Variants in PRKAB2 observed in about 807,000 individuals in gnomAD.
PRKAB2 encodes protein kinase AMP-activated non-catalytic subunit beta 2.
In PRKAB2, 18 loss-of-function variants were observed where a neutral mutation model predicts 29.8. That is an observed-to-expected ratio of 0.60 (90% CI 0.42 to 0.89). PRKAB2 has a LOEUF of 0.89. PRKAB2 is among the 40% of genes least tolerant of loss of function. PRKAB2 has a pLI of 0.00. For missense variants in PRKAB2, 270 were observed against 344.3 expected (o/e 0.78, Z 1.71); for synonymous variants, 136 against 125.9 (o/e 1.08, Z -0.54).
chr1:147,160,656 T>C (rs1168895020), intron 7 of PRKAB2: 2 of 152,126 alleles, frequency 1.3e-5, no homozygotes, highest in African/African-American at 2.4e-5. Flanking sequence ...AATTCACTTT[T>C]ACACTTCCAC....
In PRKAB2 at chr1:147,161,793, G is replaced by GAAAAAAATTACT; in HGVS notation, c.673-25_673-14dup. 6.3e-7 allele frequency: 1 copy of GAAAAAAATTACT among 1,585,834 alleles called. No homozygotes were observed. The highest frequency in any genetic ancestry group is 8.6e-7 in the Non-Finnish European group (1 of 1,165,402). On this transcript the variant is annotated splice_polypyrimidine_tract_variant and intron_variant, in intron 6 of 7. Transcript: ENST00000254101. ...AGGCTGGGTCACACTAAGAGAAAGA[G>GAAAAAAATTACT]AAAAAAATTACTAAAAAAATTACTA...
intron 5 of PRKAB2, among the ~76,000 whole-genome samples, chr1:147,165,179 C>T (rs1242097407): frequency 6.6e-6 from 1 of 152,132 alleles, no homozygotes; most frequent in Non-Finnish European, 1.5e-5. Context: ...GCGCCTGCCA[C>T]CACACCCAGC....
intron 5 of PRKAB2, among the ~76,000 whole-genome samples, chr1:147,164,380 T>C (rs1654128807): frequency 6.6e-6 from 1 of 152,248 alleles, no homozygotes; most frequent in Admixed American, 6.5e-5. Context: ...AATATGCTAA[T>C]TGCCCTGACT....
intron 5 of PRKAB2, among the ~76,000 whole-genome samples, chr1:147,163,934 A>G (rs1553913387): frequency 6.6e-6 from 1 of 152,040 alleles, no homozygotes; most frequent in East Asian, 1.9e-4. Flanking sequence ...TTTTATTTAA[A>G]TGTTATTGTT....
At chr1:147,161,219 T>C (rs373295007) in intron 7 of PRKAB2, among the ~76,000 whole-genome samples, 1 of 152,284 alleles carries the variant, frequency 6.6e-6, no homozygotes, top group East Asian at 1.9e-4. Flanking sequence ...AGGAGGACTC[T>C]AGAGTTGACG....
At chr1:147,165,032 T>C (rs908642067) in intron 5 of PRKAB2, among the ~76,000 whole-genome samples, 1 of 152,200 alleles carries the variant, frequency 6.6e-6, no homozygotes. Context: ...CCTCAACAGA[T>C]GATTACACTA....
At chr1:147,168,291 T>C (rs1553913925) in intron 2 of PRKAB2, among the ~76,000 whole-genome samples, 1 of 151,984 alleles carries the variant, frequency 6.6e-6, no homozygotes, top group Non-Finnish European at 1.5e-5. Context: ...GAGTCTTTCT[T>C]CAGAGGAAAA....
intron 3 of PRKAB2, 95 bp downstream of exon 3, chr1:147,167,672 A>G: frequency 7.1e-7 from 1 of 1,410,886 alleles, no homozygotes; most frequent in Non-Finnish European, 9.6e-7. Context: ...GACAGTCCTT[A>G]GTAGGTGGAG....
Position 147,159,602 on chromosome 1 carries a change from T to C in PRKAB2, c.782A>G (p.Lys261Arg), listed in dbSNP as rs1439387336. The change falls in exon 8 of 8, where the codon AAG becomes AGG. Residue 261 changes from lysine to arginine, a missense_variant. Physicochemically the swap from Lys to Arg is conservative, Grantham distance 26 (BLOSUM62 2). Around this residue, in one of 2 missense-constraint regions of PRKAB2, gnomAD observed 42 missense variants for 88.8 expected, o/e 0.47. Transcript: ENST00000254101. ...MVLSATHRYK[K>R]KYVTTLLYKP... ...GTATAGCAGAGTAGTAACATACTTC[T>C]TCTTGTAGCGATGGGTTGCGCTAAG... 5.5e-5 allele frequency: 88 copies of C among 1,613,490 alleles called. No individual in the cohort carries two copies. Among genetic ancestry groups the C allele is most frequent in the Non-Finnish European group, 7.3e-5 (86 of 1,179,724 alleles).
chr1:147,171,656 G>A (rs1488320236), intron 2 of PRKAB2, among the ~76,000 whole-genome samples: 3 of 152,094 alleles, frequency 2.0e-5, no homozygotes, highest in Admixed American at 6.5e-5. Context: ...TGTCCACCAG[G>A]GATTACAAAC....
chr1:147,159,485 A>G lies in PRKAB2; in HGVS notation c.*80T>C. The G allele has an allele frequency of 7.8e-7, 1 of 1,282,970 alleles. No homozygotes were observed. Among genetic ancestry groups the G allele is most frequent in the South Asian group, 1.3e-5 (1 of 78,562 alleles). 79.5% of individuals were successfully genotyped at this position (1,282,970 alleles called of 1,614,324 possible). On this transcript the variant is annotated 3_prime_UTR_variant, in exon 8 of 8. Transcript: ENST00000254101. ...CAGCCTCAAAGCAAATCAGCCTTCC[A>G]GTCTCAGGTAAGACTGGTTCAGTCC...
chr1:147,159,308 A>ACTTC lies in PRKAB2; in HGVS notation c.*253_*256dup. On this transcript the variant is annotated 3_prime_UTR_variant, in exon 8 of 8. Coordinates refer to ENST00000254101, the MANE Select transcript of PRKAB2 (RefSeq NM_005399.5). Reference sequence around the variant, plus strand: ...GTGAAAACCCACAGGCAGAAACAATACTTCTAGCTGGGGCTAGGAGGCTTC... The same window carrying ACTTC: ...GTGAAAACCCACAGGCAGAAACAATACTTCCTTCTAGCTGGGGCTAGGAGGCTTC... The ACTTC allele has an allele frequency of 7.1e-6, 3 of 419,730 alleles. No individual in the cohort carries two copies. The East Asian group carries it at 1.1e-4, about 15-fold the overall frequency. 26.0% of individuals were successfully genotyped at this position (419,730 alleles called of 1,614,324 possible).
chr1:147,163,945 T>C (rs1654105224), intron 5 of PRKAB2, among the ~76,000 whole-genome samples: 1 of 152,172 alleles, frequency 6.6e-6, no homozygotes, highest in African/African-American at 2.4e-5. Context: ...TGTTATTGTT[T>C]CTTTTTTGAG....
intron 2 of PRKAB2, 69 bp from the exon 3 acceptor site, chr1:147,168,002 C>T (rs1375289702): frequency 1.3e-6 from 2 of 1,501,612 alleles, no homozygotes; most frequent in African/African-American, 2.8e-5. Flanking sequence ...TCACTCTCCT[C>T]CCTAGGATAG....
chr1:147,164,333 T>C (rs1384473396), intron 5 of PRKAB2, among the ~76,000 whole-genome samples: 1 of 152,204 alleles, frequency 6.6e-6, no homozygotes, highest in Admixed American at 6.5e-5. Flanking sequence ...GGATTTTGAA[T>C]GTTATCACCA....
At chr1:147,167,980 AT>A (rs782190866) in intron 2 of PRKAB2, 47 bp from the exon 3 acceptor site, 55 of 1,564,504 alleles carry the variant, frequency 3.5e-5, no homozygotes, top group Non-Finnish European at 4.6e-5. Flanking sequence ...TGACCCAAGA[AT>A]TCTAAAAAGG....
Position 147,166,502 on chromosome 1 carries a change from A to G in PRKAB2, c.534T>C (p.Cys178=). 6.2e-7 allele frequency: 1 copy of G among 1,613,438 alleles called. No homozygotes were observed. The highest frequency in any genetic ancestry group is 8.5e-7 in the Non-Finnish European group (1 of 1,179,658). The change falls in exon 5 of 8, where the codon TGT becomes TGC. Residue 178 remains cysteine (C), a synonymous_variant. Transcript: ENST00000254101. ...LDSMESSETS[C]RDLSSSPPGP... ...GAGTAAATAATACAAAATTACCTCT[A>G]CAAGATGTCTCAGAACTTTCCATAG...
chr1:147,166,449 G>A (rs1553913709), intron 5 of PRKAB2, 49 bp downstream of exon 5: 2 of 1,586,036 alleles, frequency 1.3e-6, no homozygotes, highest in African/African-American at 1.4e-5. Context: ...CTTTTAGGAA[G>A]GAACTACAAG....
chr1:147,166,467 C>A (rs200684761), intron 5 of PRKAB2, 31 bp downstream of exon 5: 438 of 1,605,516 alleles, frequency 2.7e-4, no homozygotes, highest in Middle Eastern at 1.0e-3. Flanking sequence ...AAGAAAGACA[C>A]AGCAAGAGAG....
Sources: gnomAD v4.1 joint callset for allele counts (sites outside exome capture counted in the v4.1 genomes callset) on GRCh38, gnomAD v4.1.1 for gene constraint, gnomAD v4.1.1 regional missense constraint, MANE v1.5 for transcripts, NCBI Gene and HGNC (gene_info 2026-07-23, HGNC 2026-07-21) for gene names.